The following FCHSD2 variants were observed in gnomAD, a reference collection of about 807,000 sequenced individuals.
The protein encoded by FCHSD2 is FCH and double SH3 domains 2.
A neutral mutation model predicts 108.1 loss-of-function variants in FCHSD2; 38 were observed. That is an observed-to-expected ratio of 0.35 (90% CI 0.27 to 0.46). The LOEUF is 0.46. Ranked by LOEUF, FCHSD2 falls within the 20% of genes least tolerant of loss-of-function variation. The probability of loss-of-function intolerance (pLI) is 1.00; values close to 1 mark genes in which losing one functional copy is unlikely to be tolerated. For synonymous variants in FCHSD2, 279 were observed against 314.7 expected, an observed-to-expected ratio of 0.89 and a Z score of 1.20; for missense variants, 751 against 897.8, an observed-to-expected ratio of 0.84 and a Z score of 2.09.
At chr11:73,126,060 G>A (rs770322728) in intron 2 of FCHSD2, among the ~76,000 whole-genome samples, 8 of 151,922 alleles carry the variant, frequency 5.3e-5, no homozygotes, top group Non-Finnish European at 1.0e-4. Flanking sequence ...AGAATTCCAC[G>A]GCCAGGTGCG....
At chr11:72,995,166 T>A (rs959498715) in intron 5 of FCHSD2, among the ~76,000 whole-genome samples, 1 of 152,222 alleles carries the variant, frequency 6.6e-6, no homozygotes, top group Non-Finnish European at 1.5e-5. Flanking sequence ...ACTTCATTCC[T>A]TTTTATCGCC....
At chr11:72,894,361 A>G (rs1049133725) in intron 10 of FCHSD2, among the ~76,000 whole-genome samples, 6 of 152,164 alleles carry the variant, frequency 3.9e-5, no homozygotes, top group Non-Finnish European at 8.8e-5. Flanking sequence ...CCTGGGCAAC[A>G]TAGCTAGACC....
At chr11:73,044,554 G>A (rs112513234) in intron 3 of FCHSD2, among the ~76,000 whole-genome samples, 20 of 152,266 alleles carry the variant, frequency 1.3e-4, no homozygotes, top group Middle Eastern at 3.4e-3. Context: ...TCCAGCCTGG[G>A]TGACAGAGTG....
At position 73,042,212 on chromosome 11, in the gene FCHSD2, A is replaced by T. The variant is rs114457721; in HGVS notation, c.166-26327T>A. Among the ~76,000 whole-genome samples the T allele has an allele frequency of 2.1e-3, 318 of 152,300 alleles. 4 individuals carry two copies. The highest frequency in any genetic ancestry group is 7.3e-3 in the African/African-American group (302 of 41,566). ...AGTGTTGGGACTACAGGCATGCGCCACTGCACCCGGCTGAGATTATTTTTA... is the reference window on the plus strand; with the variant it reads ...AGTGTTGGGACTACAGGCATGCGCCTCTGCACCCGGCTGAGATTATTTTTA... On this transcript the variant is annotated intron_variant, in intron 3 of 19. Coordinates refer to ENST00000409418, the MANE Select transcript of FCHSD2 (RefSeq NM_014824.3).
chr11:73,043,583 A>G (rs1236474708), intron 3 of FCHSD2, among the ~76,000 whole-genome samples: 4 of 152,198 alleles, frequency 2.6e-5, no homozygotes, highest in Non-Finnish European at 5.9e-5. Context: ...CCATTTTGGT[A>G]CTTTTAAATT....
intron 11 of FCHSD2, 143 bp downstream of exon 11, chr11:72,889,686 C>A: frequency 1.7e-6 from 1 of 587,252 alleles, no homozygotes; most frequent in South Asian, 2.1e-5. Flanking sequence ...GCCCTTCAAC[C>A]TGGGTGACAG....
intron 2 of FCHSD2, among the ~76,000 whole-genome samples, chr11:73,134,908 T>C (rs768514182): frequency 8.5e-5 from 13 of 152,154 alleles, no homozygotes; most frequent in Non-Finnish European, 1.8e-4. Context: ...GCTGTGGCAC[T>C]ATCTCAGCTC....
intron 2 of FCHSD2, among the ~76,000 whole-genome samples, chr11:73,113,515 T>C (rs1406624418): frequency 6.6e-6 from 1 of 152,032 alleles, no homozygotes; most frequent in Non-Finnish European, 1.5e-5. Flanking sequence ...ACTACAAGCA[T>C]GTGCCACCAC....
intron 12 of FCHSD2, 65 bp downstream of exon 12, chr11:72,887,405 G>A (rs1855220018): frequency 4.1e-6 from 4 of 967,090 alleles, no homozygotes; most frequent in Admixed American, 2.1e-5. Flanking sequence ...TTTTAAAGAT[G>A]TATATCACAG....
rs1454577354 is a variant in FCHSD2, at chr11:73,142,282, C to CCCCCA, written c.-410_-406dup. On this transcript the variant is annotated 5_prime_UTR_variant, in exon 1 of 20. Transcript: ENST00000409418. Reference sequence around the variant, plus strand: ...CCGCCGCTCCCGGCGGACGCAGCGGCCCCCACCCCACCCACTCAGGCGGCC... The same window carrying CCCCCA: ...CCGCCGCTCCCGGCGGACGCAGCGGCCCCCACCCCACCCCACCCACTCAGGCGGCC... 3.3e-5 allele frequency: 5 copies of CCCCCA among 151,834 alleles called. No individual in the cohort carries two copies. In the East Asian group the frequency reaches 5.9e-4, roughly 18 times the overall value. 9.4% of individuals were successfully genotyped at this position (151,834 alleles called of 1,614,324 possible).
At chr11:72,919,266 C>G (rs1217206866) in intron 9 of FCHSD2, among the ~76,000 whole-genome samples, 1 of 152,114 alleles carries the variant, frequency 6.6e-6, no homozygotes, top group African/African-American at 2.4e-5. Context: ...CAAAAGGGCA[C>G]TACATTATTC....
At chr11:73,128,498 T>G (rs1016557653) in intron 2 of FCHSD2, among the ~76,000 whole-genome samples, 1 of 152,050 alleles carries the variant, frequency 6.6e-6, no homozygotes, top group African/African-American at 2.4e-5. Flanking sequence ...TAATGAAATA[T>G]AAGGGAAAGT....
chr11:72,869,631 T>C (rs1395457722), intron 12 of FCHSD2: 4 of 152,198 alleles, frequency 2.6e-5, no homozygotes, highest in African/African-American at 9.7e-5. Context: ...TTTTAGTATA[T>C]GTGATGCTGA....
intron 2 of FCHSD2, among the ~76,000 whole-genome samples, chr11:73,110,560 G>A (rs1860459378): frequency 6.6e-6 from 1 of 151,796 alleles, no homozygotes; most frequent in Admixed American, 6.6e-5. Context: ...TTGATTTTGA[G>A]TCTTTTCTAT....
intron 12 of FCHSD2, 142 bp downstream of exon 12, chr11:72,887,328 C>T: frequency 1.6e-6 from 1 of 608,144 alleles, no homozygotes. Flanking sequence ...AGGTACTCAA[C>T]AAATACTACT....
chr11:72,931,524 T>G (rs1430644514), intron 8 of FCHSD2, among the ~76,000 whole-genome samples: 1 of 151,720 alleles, frequency 6.6e-6, no homozygotes, highest in Non-Finnish European at 1.5e-5. Flanking sequence ...CCCAGCACTT[T>G]GGGAGGCCAA....
chr11:72,908,473 G>A (rs548174229), intron 9 of FCHSD2, among the ~76,000 whole-genome samples: 3 of 152,224 alleles, frequency 2.0e-5, no homozygotes, highest in South Asian at 2.1e-4. Flanking sequence ...TTTCCATAGC[G>A]GTTGTACTAA....
chr11:72,961,278 C>T (rs1233699650), intron 8 of FCHSD2, among the ~76,000 whole-genome samples: 3 of 152,156 alleles, frequency 2.0e-5, no homozygotes, highest in African/African-American at 7.2e-5. Flanking sequence ...GTTGCCCAGG[C>T]TGGAGTGGGA....
At chr11:73,090,706 A>G (rs1168922173) in intron 2 of FCHSD2, among the ~76,000 whole-genome samples, 3 of 152,198 alleles carry the variant, frequency 2.0e-5, no homozygotes, top group African/African-American at 7.2e-5. Flanking sequence ...CTTTTACTAC[A>G]TTCCTGTTTG....
Sources: allele counts gnomAD v4.1 joint callset (sites outside exome capture counted in the v4.1 genomes callset), GRCh38; gene constraint gnomAD v4.1.1; transcripts MANE v1.5; gene names NCBI Gene and HGNC (gene_info 2026-07-23, HGNC 2026-07-21).